The following PCDH9 variants were observed in gnomAD, a reference collection of about 807,000 sequenced individuals.
PCDH9 encodes protocadherin 9.
Under a neutral mutation model 70.6 loss-of-function variants are expected in PCDH9, and 24 were observed. That is an observed-to-expected ratio of 0.34 (90% CI 0.25 to 0.48). The LOEUF (loss-of-function observed/expected upper bound fraction) is 0.48, where lower values mean the gene tolerates loss of function less well. Among genes scored for constraint, PCDH9 ranks in the 20% least tolerant of loss-of-function variants. The pLI is 0.99. For synonymous variants in PCDH9, 562 were observed against 558.5 expected (o/e 1.01, Z -0.09); for missense variants, 1,281 against 1,503.6 (o/e 0.85, Z 2.45).
intron 2 of PCDH9, among the ~76,000 whole-genome samples, chr13:67,195,154 T>C (rs2089025941): frequency 6.6e-6 from 1 of 151,880 alleles, no homozygotes; most frequent in South Asian, 2.1e-4. Flanking sequence ...TACTTTCTTT[T>C]TTTTTTTTTG....
chr13:66,528,793 CCT>C (rs954098049), intron 4 of PCDH9, among the ~76,000 whole-genome samples: 1 of 152,002 alleles, frequency 6.6e-6, no homozygotes, highest in Non-Finnish European at 1.5e-5. Context: ...CAAAACTCCC[CCT>C]GAGAATTATA....
intron 4 of PCDH9, among the ~76,000 whole-genome samples, chr13:66,491,407 G>GTGTGTGTGTGTGTGTGTGTGTA (rs1959031223): frequency 6.6e-6 from 1 of 151,538 alleles, no homozygotes; most frequent in Non-Finnish European, 1.5e-5. Flanking sequence ...GTGTGTGTGT[G>GTGTGTGTGTGTGTGTGTGTGTA]TGTGTGTGTG....
At chr13:67,073,045 T>C (rs976577656) in intron 2 of PCDH9, among the ~76,000 whole-genome samples, 9 of 152,180 alleles carry the variant, frequency 5.9e-5, no homozygotes, top group African/African-American at 2.2e-4. Context: ...TTTAAACATG[T>C]TCAATTGATT....
chr13:66,769,023 C>T (rs866140137), intron 3 of PCDH9, among the ~76,000 whole-genome samples: 4 of 151,972 alleles, frequency 2.6e-5, no homozygotes, highest in Non-Finnish European at 4.4e-5. Context: ...ACAAGGTATG[C>T]ATCATCTTAC....
At chr13:67,085,885 A>G (rs750260268) in intron 2 of PCDH9, among the ~76,000 whole-genome samples, 5 of 152,218 alleles carry the variant, frequency 3.3e-5, no homozygotes, top group Non-Finnish European at 7.3e-5. Flanking sequence ...CATTATTTAT[A>G]CATGCGAATA....
chr13:66,406,016 G>A (rs562987441), intron 4 of PCDH9, among the ~76,000 whole-genome samples: 39 of 152,156 alleles, frequency 2.6e-4, no homozygotes, highest in Admixed American at 2.0e-4. Flanking sequence ...AATATGTTCT[G>A]TGGTTTTGTT....
chr13:66,906,855 T>C (rs1056557578), intron 2 of PCDH9, among the ~76,000 whole-genome samples: 3 of 152,068 alleles, frequency 2.0e-5, no homozygotes, highest in Admixed American at 2.0e-4. Flanking sequence ...CTATGAATCC[T>C]CCCTAACAAA....
chr13:66,595,185 C>T (rs904352268), intron 4 of PCDH9, among the ~76,000 whole-genome samples: 1 of 151,524 alleles, frequency 6.6e-6, no homozygotes, highest in African/African-American at 2.4e-5. Context: ...GTAAACACAT[C>T]AAGAGAGAAA....
intron 3 of PCDH9, among the ~76,000 whole-genome samples, chr13:66,663,819 C>G (rs553399322): frequency 6.6e-6 from 1 of 152,236 alleles, no homozygotes; most frequent in African/African-American, 2.4e-5. Flanking sequence ...CCATGGAATC[C>G]TTTGCAGATA....
chr13:66,720,247 G>C (rs2078923958), intron 3 of PCDH9, among the ~76,000 whole-genome samples: 2 of 151,802 alleles, frequency 1.3e-5, no homozygotes, highest in Non-Finnish European at 2.9e-5. Flanking sequence ...CCAGGTTCAA[G>C]TGATTCTCCT....
intron 3 of PCDH9, among the ~76,000 whole-genome samples, chr13:66,717,525 T>G (rs1268309482): frequency 7.3e-6 from 1 of 136,138 alleles, no homozygotes; most frequent in Non-Finnish European, 1.5e-5. Context: ...ATGTATAGGC[T>G]ACAAACCTTA....
At chr13:66,542,606 T>G (rs1247469020) in intron 4 of PCDH9, among the ~76,000 whole-genome samples, 1 of 150,994 alleles carries the variant, frequency 6.6e-6, no homozygotes, top group Non-Finnish European at 1.5e-5. Flanking sequence ...AGCCTATTCC[T>G]TAAAATAAAT....
chr13:66,333,568 C>T (rs953014144), intron 4 of PCDH9, among the ~76,000 whole-genome samples: 3 of 152,078 alleles, frequency 2.0e-5, no homozygotes, highest in African/African-American at 7.2e-5. Context: ...GAACGAAGAT[C>T]TTTATTTTTC....
At chr13:66,372,806 G>A (rs1163487990) in intron 4 of PCDH9, among the ~76,000 whole-genome samples, 1 of 151,846 alleles carries the variant, frequency 6.6e-6, no homozygotes, top group Non-Finnish European at 1.5e-5. Context: ...TTGGACATTA[G>A]GAGTAAGCCA....
At chr13:67,067,699 G>A (rs1024068179) in intron 2 of PCDH9, among the ~76,000 whole-genome samples, 13 of 149,230 alleles carry the variant, frequency 8.7e-5, no homozygotes, top group South Asian at 2.1e-4. Context: ...GCCTGACAGC[G>A]GCGAAGTGGT....
chr13:66,984,734 T>G (rs1374578230), intron 2 of PCDH9, among the ~76,000 whole-genome samples: 1 of 152,166 alleles, frequency 6.6e-6, no homozygotes, highest in Non-Finnish European at 1.5e-5. Context: ...ACTATCAACA[T>G]GATTCCATTA....
chr13:67,075,813 T>C (rs1012552665), intron 2 of PCDH9, among the ~76,000 whole-genome samples: 5 of 151,982 alleles, frequency 3.3e-5, no homozygotes, highest in African/African-American at 4.8e-5. Flanking sequence ...AACAAATAAA[T>C]GACAATAATA....
At chr13:66,480,306 T>C (rs764254444) in intron 4 of PCDH9, among the ~76,000 whole-genome samples, 10 of 152,156 alleles carry the variant, frequency 6.6e-5, no homozygotes, top group Non-Finnish European at 1.5e-4. Context: ...GATGAGAAAT[T>C]GATTTTTATG....
chr13:67,103,991 A>G (rs2086486059), intron 2 of PCDH9, among the ~76,000 whole-genome samples: 1 of 152,190 alleles, frequency 6.6e-6, no homozygotes, highest in South Asian at 2.1e-4. Flanking sequence ...AATAATAAGT[A>G]GCTCTCATAT....
Sources: gnomAD v4.1 joint callset for allele counts (sites outside exome capture counted in the v4.1 genomes callset) on GRCh38, gnomAD v4.1.1 for gene constraint, MANE v1.5 for transcripts, NCBI Gene and HGNC (gene_info 2026-07-23, HGNC 2026-07-21) for gene names.